GLB1: variants seen among roughly 807,000 people sequenced by gnomAD.
The protein encoded by GLB1 is galactosidase beta 1, also known as beta-galactosidase.
In GLB1, 56 loss-of-function variants were observed where a neutral mutation model predicts 74.0. That is an observed-to-expected ratio of 0.76 (90% CI 0.61 to 0.94). The LOEUF (loss-of-function observed/expected upper bound fraction) is 0.94. Among genes scored for constraint, GLB1 ranks in the 40% least tolerant of loss-of-function variants. GLB1 has a pLI of 0.00. For synonymous variants in GLB1, 323 were observed against 323.6 expected, an observed-to-expected ratio of 1.00 and a Z score of 0.02; for missense variants, 787 against 845.5, an observed-to-expected ratio of 0.93 and a Z score of 0.86.
chr3:32,990,033 A>G, the GLB1 span, among the ~76,000 whole-genome samples: 2 of 152,070 alleles, frequency 1.3e-5, no homozygotes, highest in Non-Finnish European at 2.9e-5. Context: ...AAAATAACCA[A>G]TTTTTCAGGA....
intron 1 of GLB1, among the ~76,000 whole-genome samples, chr3:33,074,389 G>GAAGAAAGAAAGAAAGAAAGAAAGA (rs773964882): frequency 0.11 from 4,100 of 38,882 alleles, 954 homozygotes; most frequent in Middle Eastern, 0.2. Context: ...AGGAAGGAAG[G>GAAGAAAGAAAGAAAGAAAGAAAGA]AAGAAAGAAA....
chr3:33,094,221 C>G (rs748621486), intron 1 of GLB1: 43 of 1,570,200 alleles, frequency 2.7e-5, no homozygotes, highest in African/African-American at 1.9e-4. Flanking sequence ...TAGGCTCCCC[C>G]ACCAGTTCTG....
intron 12 of GLB1, among the ~76,000 whole-genome samples, chr3:33,018,874 T>C (rs1697354513): frequency 6.6e-6 from 1 of 152,144 alleles, no homozygotes. Context: ...ATATCATACA[T>C]AGCAAAAGTT....
At chr3:32,998,780 T>C (rs368466239) in intron 15 of GLB1, among the ~76,000 whole-genome samples, 1 of 152,144 alleles carries the variant, frequency 6.6e-6, no homozygotes, top group African/African-American at 2.4e-5. Flanking sequence ...GGCCCAGCCA[T>C]GGCTGACACC....
chr3:33,031,640 AATATATATATATATATATAT>A (rs59839075), intron 10 of GLB1, among the ~76,000 whole-genome samples: 9 of 35,776 alleles, frequency 2.5e-4, no homozygotes, highest in African/African-American at 5.8e-4. Flanking sequence ...AAAAAAAAAA[AATATATATATATATATATAT>A]ATATATATAT....
chr3:33,048,954 G>A (rs1559399605), intron 9 of GLB1, among the ~76,000 whole-genome samples: 1 of 152,180 alleles, frequency 6.6e-6, no homozygotes. Flanking sequence ...GAAGAAAGGG[G>A]AATTCTATGG....
intron 1 of GLB1, among the ~76,000 whole-genome samples, chr3:33,075,758 C>T (rs964732177): frequency 2.8e-4 from 42 of 152,112 alleles, no homozygotes; most frequent in African/African-American, 8.9e-4. Flanking sequence ...GGCTGCACAG[C>T]AAAATCATCT....
intron 15 of GLB1, among the ~76,000 whole-genome samples, chr3:33,010,162 T>C (rs148598550): frequency 1.5e-4 from 23 of 152,314 alleles, no homozygotes; most frequent in African/African-American, 4.1e-4. Flanking sequence ...CTTGAAGAAA[T>C]TGCCAAACTA....
chr3:33,088,214 T>A (rs190742353), intron 1 of GLB1, among the ~76,000 whole-genome samples: 131 of 152,304 alleles, frequency 8.6e-4, no homozygotes, highest in African/African-American at 2.9e-3. Context: ...AAAGGCAAGA[T>A]GTCTGTTTTT....
chr3:33,096,965 C>G, intron 1 of GLB1, 46 bp downstream of exon 1: 1 of 1,601,034 alleles, frequency 6.2e-7, no homozygotes, highest in Non-Finnish European at 8.5e-7. Context: ...CCCCGCCAGC[C>G]TGTCCCCTAG....
intron 10 of GLB1, among the ~76,000 whole-genome samples, chr3:33,040,758 C>T (rs906375523): frequency 7.9e-5 from 12 of 152,148 alleles, no homozygotes; most frequent in African/African-American, 2.9e-4. Context: ...ACTCTGCATA[C>T]TGAAATGATC....
At chr3:33,010,952 G>A (rs919715772) in intron 15 of GLB1, among the ~76,000 whole-genome samples, 1 of 152,112 alleles carries the variant, frequency 6.6e-6, no homozygotes, top group African/African-American at 2.4e-5. Flanking sequence ...TGCCTTCCAG[G>A]TTCGAGAGAT....
the GLB1 span, among the ~76,000 whole-genome samples, chr3:32,961,805 G>A: frequency 6.6e-6 from 1 of 152,188 alleles, no homozygotes; most frequent in Non-Finnish European, 1.5e-5. Context: ...CACTCCAGAG[G>A]CATTCCAGCT....
chr3:33,090,871 T>C (rs920995308), intron 1 of GLB1: 2 of 984,942 alleles, frequency 2.0e-6, no homozygotes, highest in Non-Finnish European at 2.4e-6. Context: ...GAAGGGTACA[T>C]AAGACCACAC....
chr3:33,027,859 C>A (rs1697836425), intron 10 of GLB1, among the ~76,000 whole-genome samples: 1 of 151,996 alleles, frequency 6.6e-6, no homozygotes, highest in African/African-American at 2.4e-5. Context: ...CAGTCCCCTG[C>A]CTCACTTTTC....
chr3:33,078,896 T>G (rs1700223157), intron 1 of GLB1, among the ~76,000 whole-genome samples: 1 of 152,114 alleles, frequency 6.6e-6, no homozygotes, highest in African/African-American at 2.4e-5. Flanking sequence ...CAGGCTGGAG[T>G]GCAATGGCTC....
At chr3:33,056,675 G>A (rs1238074378) in intron 6 of GLB1, among the ~76,000 whole-genome samples, 1 of 152,004 alleles carries the variant, frequency 6.6e-6, no homozygotes, top group Admixed American at 6.5e-5. Context: ...TTTCCCAATT[G>A]TTAGCATTTT....
chr3:33,074,078 G>A (rs1699993233), intron 1 of GLB1, among the ~76,000 whole-genome samples: 3 of 150,262 alleles, frequency 2.0e-5, no homozygotes, highest in Admixed American at 6.7e-5. Context: ...GGTGGCTCAC[G>A]CCTGTAATCC....
At chr3:33,000,420 C>T (rs563511636) in intron 15 of GLB1, among the ~76,000 whole-genome samples, 36 of 152,252 alleles carry the variant, frequency 2.4e-4, no homozygotes, top group African/African-American at 7.5e-4. Flanking sequence ...TAAAAATGAA[C>T]GTTCTTGTAA....
Sources: allele counts gnomAD v4.1 joint callset (sites outside exome capture counted in the v4.1 genomes callset), GRCh38; gene constraint gnomAD v4.1.1; transcripts MANE v1.5; gene names NCBI Gene and HGNC (gene_info 2026-07-23, HGNC 2026-07-21).